Variants in PDE4D observed in about 807,000 individuals in gnomAD.
PDE4D encodes 3',5'-cyclic-AMP phosphodiesterase 4D.
Under a neutral mutation model 87.4 loss-of-function variants are expected in PDE4D, and 24 were observed. That is an observed-to-expected ratio of 0.27 (90% CI 0.20 to 0.39). The LOEUF is 0.39. Among genes scored for constraint, PDE4D ranks in the 10% least tolerant of loss-of-function variants. The pLI, the probability that PDE4D is intolerant of heterozygous loss-of-function variation, is 1.00. For missense variants in PDE4D, 714 were observed against 1,041.0 expected, an observed-to-expected ratio of 0.69 and a Z score of 4.32; for synonymous variants, 384 against 383.2, an observed-to-expected ratio of 1.00 and a Z score of -0.02.
intron 1 of PDE4D, among the ~76,000 whole-genome samples, chr5:60,423,264 C>G (rs1743306445): frequency 6.6e-6 from 1 of 152,216 alleles, no homozygotes; most frequent in South Asian, 2.1e-4. Context: ...CCACATCACA[C>G]TTATTCTAAA....
At chr5:60,448,726 A>G (rs1021289813) in intron 1 of PDE4D, 2 of 152,166 alleles carry the variant, frequency 1.3e-5, no homozygotes, top group African/African-American at 2.4e-5. Flanking sequence ...AGTTTCTACC[A>G]AGAATACAAA....
Position 59,452,497 on chromosome 5 carries a change from C to G in PDE4D, c.456-236529G>C, listed in dbSNP as rs947908353. Among the ~76,000 whole-genome samples, 61 of 152,256 alleles carry G rather than the reference C, an allele frequency of 4.0e-4. 1 individual carries two copies. The highest frequency in any genetic ancestry group is 4.0e-3 in the Admixed American group (61 of 15,290). On this transcript the variant is annotated intron_variant, in intron 1 of 14. Coordinates refer to ENST00000340635, the MANE Select transcript of PDE4D (RefSeq NM_001104631.2). ...CCTGGACTAGAGCTAAAAAGGAGGG[C>G]TGATGTATGCAAGGATTAGGGTCAC...
At position 58,974,159 on chromosome 5, in the gene PDE4D, A is replaced by C. The variant is rs904462159; in HGVS notation, c.*505T>G. The C allele has an allele frequency of 6.5e-6, 1 of 152,822 alleles. No individual in the cohort carries two copies. The highest frequency in any genetic ancestry group is 1.5e-5 in the Non-Finnish European group (1 of 68,370). The allele number at this position is 152,822 out of a possible 1,614,324, so 9.5% of individuals were successfully genotyped here. A position where few individuals can be genotyped will look rare whatever the true frequency, so the allele number is the denominator to read the frequency against. On this transcript the variant is annotated 3_prime_UTR_variant, in exon 15 of 15. Coordinates refer to ENST00000340635, the MANE Select transcript of PDE4D (RefSeq NM_001104631.2). ...GAACCACACTATTCAGTCATGTATC[A>C]GGAAGACTTGAAATTAGAAAATTAT...
intron 2 of PDE4D, among the ~76,000 whole-genome samples, chr5:60,046,348 T>A (rs974060164): frequency 2.6e-5 from 4 of 152,210 alleles, no homozygotes; most frequent in African/African-American, 9.7e-5. Context: ...CCTAATTGAA[T>A]ACCCTTTATT....
chr5:60,063,288 T>TAGGTATAAATA (rs1771695239), intron 2 of PDE4D, among the ~76,000 whole-genome samples: 1 of 152,164 alleles, frequency 6.6e-6, no homozygotes, highest in Non-Finnish European at 1.5e-5. Context: ...AGTGATTCTT[T>TAGGTATAAATA]CTTAACTTTA....
chr5:60,097,883 T>C (rs1269281294), intron 2 of PDE4D, among the ~76,000 whole-genome samples: 2 of 152,006 alleles, frequency 1.3e-5, no homozygotes, highest in East Asian at 3.9e-4. Flanking sequence ...TACCTGCTCC[T>C]GTAGGCTAAC....
chr5:59,002,585 C>T (rs1216687007), intron 6 of PDE4D, among the ~76,000 whole-genome samples: 11 of 152,132 alleles, frequency 7.2e-5, no homozygotes, highest in South Asian at 2.1e-4. Flanking sequence ...AGAGCACTTG[C>T]ACAAGAAAGA....
In PDE4D at chr5:60,468,137, C is replaced by CTTTTTTTTTTTTTTT. The variant is rs570783072; in HGVS notation, c.-90+19804_-90+19805insAAAAAAAAAAAAAAA. On this transcript the variant is annotated intron_variant, in intron 1 of 16. Coordinates refer to the PDE4D transcript ENST00000502484. ...CACATCCTAACTTTCTTTCTTTTTT[C>CTTTTTTTTTTTTTTT]TTTTTTTTTTGTTTTTTTTGAGACA... 3.5e-4 allele frequency among the ~76,000 whole-genome samples: 50 copies of CTTTTTTTTTTTTTTT among 141,226 alleles called. 3 individuals carry two copies. The highest frequency in any genetic ancestry group is 8.6e-4 in the East Asian group (4 of 4,630). 92.6% of individuals were successfully genotyped at this position (141,226 alleles called of 152,430 possible). A position where few individuals can be genotyped will look rare whatever the true frequency, so the allele number is the denominator to read the frequency against.
chr5:59,087,539 T>C lies in PDE4D; in HGVS notation c.809-48568A>G, dbSNP rs374620567. Among the ~76,000 whole-genome samples, 7 of 152,288 alleles carry C rather than the reference T, an allele frequency of 4.6e-5. No homozygotes were observed. The South Asian group carries it at 8.3e-4, about 18-fold the overall frequency. ...ATTCTTACAGAGAATTATTGAAGTA[T>C]AAATTGTGTCAAAATTGAAGAATAT... On this transcript the variant is annotated intron_variant, in intron 5 of 14. Coordinates refer to ENST00000340635, the MANE Select transcript of PDE4D (RefSeq NM_001104631.2).
chr5:59,742,919 T>A (rs568712565), intron 1 of PDE4D, among the ~76,000 whole-genome samples: 1 of 152,322 alleles, frequency 6.6e-6, no homozygotes, highest in African/African-American at 2.4e-5. Context: ...AACAATTACA[T>A]ATTTAGTCAA....
At chr5:60,310,251 A>G (rs982984258) in intron 1 of PDE4D, among the ~76,000 whole-genome samples, 1 of 152,218 alleles carries the variant, frequency 6.6e-6, no homozygotes, top group Non-Finnish European at 1.5e-5. Flanking sequence ...CCACTTTACC[A>G]GCATTTTAAA....
In PDE4D at chr5:60,043,743, G is replaced by C. The variant is rs533335563; in HGVS notation, c.43-55026C>G. 4.0e-5 allele frequency among the ~76,000 whole-genome samples: 6 copies of C among 150,580 alleles called. No individual in the cohort carries two copies. The South Asian group carries it at 1.1e-3, about 26-fold the overall frequency. ...TCTTGAAAGCTCTTCTTTTCTTTAC[G>C]TAGATTTCAGTTTTTGACCTATGTC... On this transcript the variant is annotated intron_variant, in intron 2 of 16. Coordinates refer to the PDE4D transcript ENST00000502484.
At position 59,536,504 on chromosome 5, in the gene PDE4D, C is replaced by CAAAAAAAAAA. The variant is rs10586960; in HGVS notation, c.456-320546_456-320537dup. 8.2e-4 allele frequency among the ~76,000 whole-genome samples: 46 copies of CAAAAAAAAAA among 56,380 alleles called. 2 individuals carry two copies. The highest frequency in any genetic ancestry group is 4.0e-3 in the African/African-American group (43 of 10,706). 37.0% of individuals were successfully genotyped at this position (56,380 alleles called of 152,430 possible). A position where few individuals can be genotyped will look rare whatever the true frequency, so the allele number is the denominator to read the frequency against. The stretch of plus-strand genomic sequence containing the variant: ...TGGGCAACAGAGCAAGACTCAGCCT[C>CAAAAAAAAAA]AAAAAAAAAAAAAAAAAAAAAAAAA... On this transcript the variant is annotated intron_variant, in intron 1 of 14. Coordinates refer to ENST00000340635, the MANE Select transcript of PDE4D (RefSeq NM_001104631.2).
intron 1 of PDE4D, among the ~76,000 whole-genome samples, chr5:59,358,660 TAA>T (rs1038882828): frequency 6.6e-6 from 1 of 151,996 alleles, no homozygotes; most frequent in African/African-American, 2.4e-5. Flanking sequence ...CCAGACAGTG[TAA>T]GATAACTGGT....
At chr5:59,021,875 CA>C (rs1333611401) in intron 6 of PDE4D, among the ~76,000 whole-genome samples, 1 of 152,162 alleles carries the variant, frequency 6.6e-6, no homozygotes, top group Non-Finnish European at 1.5e-5. Context: ...CTTATTTTGA[CA>C]GTCTCTTTTC....
intron 6 of PDE4D, among the ~76,000 whole-genome samples, chr5:59,012,148 G>A (rs1752937766): frequency 6.6e-6 from 1 of 152,148 alleles, no homozygotes; most frequent in South Asian, 2.1e-4. Context: ...AGCTCCTGAA[G>A]GAAGCACTAA....
chr5:60,269,093 C>G (rs1279205410), intron 1 of PDE4D, among the ~76,000 whole-genome samples: 1 of 152,136 alleles, frequency 6.6e-6, no homozygotes, highest in African/African-American at 2.4e-5. Flanking sequence ...CACCTGAAGT[C>G]AGGAGTTCAA....
chr5:59,517,209 G>C (rs1811324378), intron 1 of PDE4D, among the ~76,000 whole-genome samples: 1 of 152,196 alleles, frequency 6.6e-6, no homozygotes, highest in South Asian at 2.1e-4. Context: ...TAAACATGTA[G>C]TATAGACAGG....
chr5:60,444,497 G>T (rs1745484401), intron 1 of PDE4D, among the ~76,000 whole-genome samples: 1 of 152,092 alleles, frequency 6.6e-6, no homozygotes, highest in South Asian at 2.1e-4. Context: ...TACAGATTAA[G>T]TACAGTGGTT....
Sources: gnomAD v4.1 joint callset for allele counts (sites outside exome capture counted in the v4.1 genomes callset) on GRCh38, gnomAD v4.1.1 for gene constraint, MANE v1.5 for transcripts, NCBI Gene and HGNC (gene_info 2026-07-23, HGNC 2026-07-21) for gene names.